The following KRT84 variants were observed in gnomAD, a reference collection of about 807,000 sequenced individuals.
The protein encoded by KRT84 is keratin 84, also known as keratin, type II cuticular Hb4.
A neutral mutation model predicts 49.0 loss-of-function variants in KRT84; 38 were observed. The ratio of observed to expected loss-of-function variants is 0.78; its 90% CI spans 0.60 to 1.02. The LOEUF (loss-of-function observed/expected upper bound fraction) is 1.02. KRT84 is among the 50% of genes least tolerant of loss of function. The pLI is 0.00. For synonymous variants in KRT84, 334 were observed against 312.8 expected (o/e 1.07, Z -0.72); for missense variants, 860 against 788.6 (o/e 1.09, Z -1.08).
rs1424204330 is a variant in KRT84, at chr12:52,381,472, C to T, written c.966G>A (p.Met322Ile). ...HISETSVIVK[M>I]DNSRDLNLDG... ...CAAGGTTCAGGTCACGGCTGTTGTC[C>T]ATCTTCACAATGACCGACGTCTCTG... Residue 322 changes from methionine (M) to isoleucine (I), a missense_variant, in exon 5 of 9, where the codon ATG (methionine) becomes ATA (isoleucine). Transcript: ENST00000257951. 6 of 1,614,050 alleles carry T rather than the reference C, an allele frequency of 3.7e-6. No individual in the cohort carries two copies. In the East Asian group the frequency reaches 8.9e-5, roughly 24 times the overall value.
Position 52,385,491 on chromosome 12 carries a change from C to A in KRT84, c.95G>T (p.Arg32Leu), listed in dbSNP as rs562360909. The A allele has an allele frequency of 3.1e-6, 5 of 1,614,216 alleles. No homozygotes were observed. In the South Asian group the frequency reaches 5.5e-5, roughly 18 times the overall value. The change falls in exon 1 of 9, where the codon CGG becomes CTG. Residue 32 changes from arginine to leucine, a missense_variant. Physicochemically the swap from Arg to Leu is moderately radical, Grantham distance 102 (BLOSUM62 -2). Coordinates refer to ENST00000257951, the MANE Select transcript of KRT84 (RefSeq NM_033045.4). ...AMTPQNLNRFRANSVSCWSGP... is the reference protein window; with the variant it reads ...AMTPQNLNRFLANSVSCWSGP... ...ACTCCAACAGGAGACAGAGTTGGCC[C>A]GGAAGCGATTCAGGTTCTGTGGTGT... is the stretch of plus-strand genomic sequence containing the variant.
chr12:52,379,399 G>C (rs925679729), intron 8 of KRT84, among the ~76,000 whole-genome samples: 1 of 152,210 alleles, frequency 6.6e-6, no homozygotes, highest in Non-Finnish European at 1.5e-5. Flanking sequence ...GTCTTGCCTT[G>C]CCAGTGTCCC....
At chr12:52,378,702 G>A (rs890021672) in intron 8 of KRT84, among the ~76,000 whole-genome samples, 5 of 152,236 alleles carry the variant, frequency 3.3e-5, no homozygotes, top group Non-Finnish European at 5.9e-5. Context: ...TGTAGGTAGT[G>A]AGCTGGATTA....
intron 6 of KRT84, 32 bp from the exon 7 acceptor site, chr12:52,380,615 G>C (rs113935757): frequency 6.4e-7 from 1 of 1,559,364 alleles, no homozygotes; most frequent in African/African-American, 1.4e-5. Flanking sequence ...GGTAGGCTTC[G>C]GCAGTGCCAG....
Position 52,385,290 on chromosome 12 carries a change from G to A in KRT84, c.296C>T (p.Ala99Val), listed in dbSNP as rs1176735347. The change falls in exon 1 of 9, where the codon GCT becomes GTT. Residue 99 changes from alanine to valine, a missense_variant. Ala to Val is a moderately conservative substitution (Grantham distance 64). Coordinates refer to ENST00000257951, the MANE Select transcript of KRT84 (RefSeq NM_033045.4). ...AAAGCCCAGACCAACACAGCTGTCAGCCCTAGGCCCCAGACCAACACCTCT... is the reference window on the plus strand; with the variant it reads ...AAAGCCCAGACCAACACAGCTGTCAACCCTAGGCCCCAGACCAACACCTCT... ...DGRGVGLGPR[A>V]DSCVGLGFGA... 1.9e-6 allele frequency: 3 copies of A among 1,613,938 alleles called. No individual in the cohort carries two copies. Among genetic ancestry groups the A allele is most frequent in the Non-Finnish European group, 2.5e-6 (3 of 1,180,034 alleles).
intron 2 of KRT84, 119 bp from the exon 3 acceptor site, chr12:52,383,184 T>C (rs1939513518): frequency 1.0e-5 from 8 of 795,274 alleles, no homozygotes; most frequent in Middle Eastern, 4.8e-4. Context: ...TCCCTATTGC[T>C]ATCTGAATGC....
In KRT84 at chr12:52,378,166, G is replaced by A. The variant is rs540750046; in HGVS notation, c.1671C>T (p.Leu557=). Residue 557 remains leucine, a synonymous_variant, in exon 9 of 9, where the codon CTC becomes CTT. Coordinates refer to ENST00000257951, the MANE Select transcript of KRT84 (RefSeq NM_033045.4). ...CGCTGGGGACACAGGCCTCGCTGAT[G>A]AGCATGGAGCCACTCCTTGTGCCAG... The part of the protein sequence containing the change: ...LSTGTRSGSM[L]ISEACVPSVP... 7.6e-6 allele frequency: 12 copies of A among 1,576,218 alleles called. No homozygotes were observed. The highest frequency in any genetic ancestry group is 2.3e-5 in the South Asian group (2 of 85,116).
At chr12:52,386,410 A>G (rs978170876), upstream of KRT84, among the ~76,000 whole-genome samples, 21 of 139,364 alleles carry the variant, frequency 1.5e-4, no homozygotes, top group African/African-American at 5.8e-4. Flanking sequence ...TTTTTTTTTT[A>G]GAGACATGAT....
In KRT84 at chr12:52,380,533, C is replaced by T. The variant is rs765095172; in HGVS notation, c.1254G>A (p.Ala418=). ...GCTTGCATTTGGCATCACTGAGGGT[C>T]GCCTCGCCCTGCTGCTCGGCCTCGG... ...AVAEAEQQGE[A]TLSDAKCKLA... Residue 418 remains alanine (A), a synonymous_variant, in exon 7 of 9, where the codon GCG becomes GCA. Transcript: ENST00000257951. The T allele has an allele frequency of 1.9e-5, 30 of 1,613,800 alleles. No homozygotes were observed. Among genetic ancestry groups the T allele is most frequent in the Middle Eastern group, 3.3e-4 (2 of 6,084 alleles).
Position 52,378,360 on chromosome 12 carries a change from C to T in KRT84, c.1477G>A (p.Gly493Ser), listed in dbSNP as rs1039110698. The T allele has an allele frequency of 8.8e-6, 13 of 1,473,944 alleles. No individual in the cohort carries two copies. Among genetic ancestry groups the T allele is most frequent in the South Asian group, 4.0e-5 (3 of 74,826 alleles). 91.3% of individuals were successfully genotyped at this position (1,473,944 alleles called of 1,614,324 possible). ...VNISVSSSRG[G>S]LVCGPEPLVA... ...AAAGGCTCAGGCCCGCACACCAGGC[C>T]GCCCCGGGAGCTGCTGACGGCTGCG... Residue 493 changes from glycine to serine, a missense_variant, in exon 9 of 9, where the codon GGC (glycine) becomes AGC (serine). Coordinates refer to ENST00000257951, the MANE Select transcript of KRT84 (RefSeq NM_033045.4).
chr12:52,383,861 G>A, intron 1 of KRT84, 63 bp from the exon 2 acceptor site: 1 of 1,383,696 alleles, frequency 7.2e-7, no homozygotes, highest in Non-Finnish European at 1.0e-6. Context: ...CCTTGACCAA[G>A]CTCTTGAGAT....
At chr12:52,382,167 G>A (rs977967552) in intron 4 of KRT84, among the ~76,000 whole-genome samples, 1 of 152,202 alleles carries the variant, frequency 6.6e-6, no homozygotes, top group Non-Finnish European at 1.5e-5. Context: ...TACACAGGAA[G>A]TGACATTTCT....
In KRT84 at chr12:52,378,123, T is replaced by C; in HGVS notation, c.1714A>G (p.Thr572Ala). 2 of 1,540,666 alleles carry C rather than the reference T, an allele frequency of 1.3e-6. No homozygotes were observed. Among genetic ancestry groups the C allele is most frequent in the Non-Finnish European group, 1.7e-6 (2 of 1,147,990 alleles). ...CVPSVPCPLPTQGGFSSCSGG... is the reference protein window; with the variant it reads ...CVPSVPCPLPAQGGFSSCSGG... ...CTGCAGCTGCTGAAGCCCCCCTGGG[T>C]GGGCAGGGGGCAGGGGACGCTGGGG... is the stretch of plus-strand genomic sequence containing the variant. The change falls in exon 9 of 9, where the codon ACC (threonine) becomes GCC (alanine). Residue 572 changes from threonine (T) to alanine (A), a missense_variant. Physicochemically the swap from Thr to Ala is moderately conservative, Grantham distance 58. Coordinates refer to ENST00000257951, the MANE Select transcript of KRT84 (RefSeq NM_033045.4).
rs1218657982 is a variant in KRT84, at chr12:52,385,338, C to T, written c.248G>A (p.Cys83Tyr). The change falls in exon 1 of 9, where the codon TGT becomes TAT. Residue 83 changes from cysteine to tyrosine, a missense_variant. By Grantham distance (194) the Cys-to-Tyr change is radical. Coordinates refer to ENST00000257951, the MANE Select transcript of KRT84 (RefSeq NM_033045.4). ...IHCGVRFGAG[C>Y]GMGFGDGRGV... ...TCTCCCATCACCAAAACCCATCCCA[C>T]AGCCAGCACCAAAGCGGACTCCACA... The T allele has an allele frequency of 1.2e-6, 2 of 1,614,070 alleles. No homozygotes were observed. The highest frequency in any genetic ancestry group is 2.7e-5 in the African/African-American group (2 of 74,934).
At chr12:52,386,009 C>T (rs145038233), upstream of KRT84, among the ~76,000 whole-genome samples, 94 of 152,200 alleles carry the variant, frequency 6.2e-4, no homozygotes, top group African/African-American at 2.2e-3. Flanking sequence ...GTTAGGATGG[C>T]GACAGCTCCA....
chr12:52,385,388 T>C lies in KRT84; in HGVS notation c.198A>G (p.Ala66=). 1 of 1,614,176 alleles carries C rather than the reference T, an allele frequency of 6.2e-7. No individual in the cohort carries two copies. The highest frequency in any genetic ancestry group is 1.1e-5 in the South Asian group (1 of 91,064). The change falls in exon 1 of 9, where the codon GCA becomes GCG. Residue 66 remains alanine (A), a synonymous_variant. Transcript: ENST00000257951. ...ITFGSYSPRI[A]AVGSRPIHCG... ...AGTGGATGGGCCGAGAGCCTACAGC[T>C]GCTATCCGGGGTGAGTACGATCCAA...
At chr12:52,381,783 G>A (rs563727762) in intron 4 of KRT84, among the ~76,000 whole-genome samples, 121 of 152,296 alleles carry the variant, frequency 7.9e-4, no homozygotes, top group African/African-American at 2.8e-3. Flanking sequence ...TAAAACCATG[G>A]GGATCTAAGA....
rs1447548781 is a variant in KRT84 at position 52,378,237 on chromosome 12, G to C, written c.1600C>G (p.Leu534Val). Residue 534 changes from leucine to valine, a missense_variant, in exon 9 of 9, where the codon CTG becomes GTG. By Grantham distance (32) the Leu-to-Val change is conservative (BLOSUM62 1). Coordinates refer to ENST00000257951, the MANE Select transcript of KRT84 (RefSeq NM_033045.4). ...SGVLASCGPS[L>V]GGARVAPATG... ...GCCGGGGCGACCCGGGCTCCACCCA[G>C]GCTGGGGCCACAGGAAGCCAGGACC... The C allele has an allele frequency of 6.4e-7, 1 of 1,565,664 alleles. No homozygotes were observed. The highest frequency in any genetic ancestry group is 1.9e-5 in the Admixed American group (1 of 53,994).
rs1056884264 is a variant in KRT84 at position 52,385,426 on chromosome 12, T to C, written c.160A>G (p.Ser54Gly). The C allele has an allele frequency of 1.2e-6, 2 of 1,613,922 alleles. No homozygotes were observed. The highest frequency in any genetic ancestry group is 2.7e-5 in the African/African-American group (2 of 74,874). Residue 54 changes from serine to glycine, a missense_variant, in exon 1 of 9, where the codon AGT becomes GGT. Ser to Gly is a moderately conservative substitution (Grantham distance 56). Transcript: ENST00000257951. Reference sequence around the variant, plus strand: ...GAGTACGATCCAAAGGTGATGACACTCCGACTACCAAAGCTGCCAAGGCCC... The same window carrying C: ...GAGTACGATCCAAAGGTGATGACACCCCGACTACCAAAGCTGCCAAGGCCC... ...FRGLGSFGSR[S>G]VITFGSYSPR...
Sources: allele counts gnomAD v4.1 joint callset (sites outside exome capture counted in the v4.1 genomes callset), GRCh38; gene constraint gnomAD v4.1.1; transcripts MANE v1.5; gene names NCBI Gene and HGNC (gene_info 2026-07-23, HGNC 2026-07-21).